Variants in EHBP1 observed in about 807,000 individuals in gnomAD.
EHBP1 encodes the protein EH domain-binding protein 1.
EHBP1 carries 55 observed loss-of-function variants against 144.0 expected under a neutral mutation model. The ratio of observed to expected loss-of-function variants is 0.38; its 90% CI spans 0.31 to 0.48. The LOEUF (loss-of-function observed/expected upper bound fraction) is 0.48, where lower values mean the gene tolerates loss of function less well. Ranked by LOEUF, EHBP1 falls within the 20% of genes least tolerant of loss-of-function variation. EHBP1 has a pLI of 0.98. For synonymous variants in EHBP1, 469 were observed against 472.7 expected, an observed-to-expected ratio of 0.99 and a Z score of 0.10; for missense variants, 1,200 against 1,364.2, an observed-to-expected ratio of 0.88 and a Z score of 1.90.
chr2:62,868,829 C>T (rs984518524), intron 9 of EHBP1, among the ~76,000 whole-genome samples: 6 of 152,026 alleles, frequency 3.9e-5, no homozygotes, highest in Admixed American at 3.3e-4. Flanking sequence ...TAGTGCACAC[C>T]TGTGGTCCCA....
chr2:62,838,004 C>T (rs1267396354), intron 7 of EHBP1, among the ~76,000 whole-genome samples: 54 of 149,250 alleles, frequency 3.6e-4, no homozygotes, highest in African/African-American at 1.3e-3. Context: ...TAGACATCTA[C>T]AGAACTCTCC....
At chr2:63,043,624 C>T (rs1017110964) in intron 21 of EHBP1, among the ~76,000 whole-genome samples, 24 of 152,140 alleles carry the variant, frequency 1.6e-4, no homozygotes, top group Non-Finnish European at 2.9e-5. Flanking sequence ...CCCTCTAGCA[C>T]CATTTGCTTT....
chr2:62,932,756 C>G (rs961856404), intron 10 of EHBP1, among the ~76,000 whole-genome samples: 2 of 151,938 alleles, frequency 1.3e-5, no homozygotes, highest in African/African-American at 2.4e-5. Flanking sequence ...GAGTTTGAGA[C>G]CAGCCTGGGC....
In EHBP1 at chr2:62,895,330, G is replaced by A. The variant is rs555230700; in HGVS notation, c.1185+20798G>A. On this transcript the variant is annotated intron_variant, in intron 10 of 22. Transcript: ENST00000431489. ...CATCATCATCATCATCGCTGCAGAA[G>A]CAGAGAATATCCTGAGCAACAGAGC... 5.9e-5 allele frequency among the ~76,000 whole-genome samples: 9 copies of A among 152,118 alleles called. No homozygotes were observed. The East Asian group carries it at 1.7e-3, about 30-fold the overall frequency.
chr2:62,874,569 T>C (rs763931978), intron 10 of EHBP1, 37 bp downstream of exon 10: 3 of 1,501,122 alleles, frequency 2.0e-6, no homozygotes, highest in Admixed American at 4.5e-5. Flanking sequence ...GTATTAATAT[T>C]TGCTGTTTTC....
At chr2:62,980,383 G>A (rs1258212716) in intron 15 of EHBP1, among the ~76,000 whole-genome samples, 1 of 152,088 alleles carries the variant, frequency 6.6e-6, no homozygotes, top group Non-Finnish European at 1.5e-5. Flanking sequence ...ATGCTCATTC[G>A]CCCTGTTAGG....
intron 14 of EHBP1, among the ~76,000 whole-genome samples, chr2:62,956,579 G>A (rs1245081064): frequency 6.6e-6 from 1 of 151,642 alleles, no homozygotes; most frequent in Non-Finnish European, 1.5e-5. Context: ...GCTAGGCATG[G>A]TGACTTATGC....
chr2:62,740,175 C>T (rs1479943006), intron 2 of EHBP1, among the ~76,000 whole-genome samples: 1 of 151,958 alleles, frequency 6.6e-6, no homozygotes, highest in Non-Finnish European at 1.5e-5. Flanking sequence ...AGTAATCACT[C>T]TGTTAAAATA....
intron 1 of EHBP1, among the ~76,000 whole-genome samples, chr2:62,678,333 A>G (rs1284315276): frequency 6.6e-6 from 1 of 152,202 alleles, no homozygotes; most frequent in Admixed American, 6.5e-5. Flanking sequence ...TAGGATTATT[A>G]GACTTTTTCC....
chr2:62,742,727 TAAGAC>T (rs1165296356), intron 2 of EHBP1, among the ~76,000 whole-genome samples: 2 of 152,096 alleles, frequency 1.3e-5, no homozygotes, highest in African/African-American at 4.8e-5. Flanking sequence ...TATGTTAACT[TAAGAC>T]AAAGAACACT....
rs2061638893 is a variant in EHBP1, at chr2:63,041,007, T to A, written c.3277+2191T>A. Among the ~76,000 whole-genome samples the A allele has an allele frequency of 2.0e-5, 3 of 152,234 alleles. No homozygotes were observed. In the South Asian group the frequency reaches 6.2e-4, roughly 31 times the overall value. On this transcript the variant is annotated intron_variant, in intron 21 of 22. Transcript: ENST00000431489. ...TTCATTTCTCTTTTCCCATCCCTCC[T>A]ACTTAGTAGCCATAAGATGGTTTTA... is the stretch of plus-strand genomic sequence containing the variant.
intron 2 of EHBP1, among the ~76,000 whole-genome samples, chr2:62,742,855 A>T (rs1447520585): frequency 6.6e-6 from 1 of 152,146 alleles, no homozygotes; most frequent in African/African-American, 2.4e-5. Flanking sequence ...GTTCATAATT[A>T]ATTCCAAACT....
chr2:62,763,509 T>A (rs1330393188), intron 3 of EHBP1, among the ~76,000 whole-genome samples: 1 of 152,142 alleles, frequency 6.6e-6, no homozygotes, highest in Non-Finnish European at 1.5e-5. Context: ...TCTGTAAGTG[T>A]TAGCTTTTAT....
intron 9 of EHBP1, among the ~76,000 whole-genome samples, chr2:62,868,145 C>A (rs879529028): frequency 7.9e-5 from 12 of 151,994 alleles, no homozygotes; most frequent in Non-Finnish European, 1.6e-4. Flanking sequence ...GAGGCCGAGG[C>A]GGGCGGATCA....
chr2:62,964,612 T>C (rs1399737680), intron 14 of EHBP1, among the ~76,000 whole-genome samples: 1 of 152,262 alleles, frequency 6.6e-6, no homozygotes, highest in Non-Finnish European at 1.5e-5. Context: ...GTGAAGCTAC[T>C]AATTCCTTTG....
At chr2:62,721,286 C>A (rs1484930472) in intron 2 of EHBP1, among the ~76,000 whole-genome samples, 2 of 152,032 alleles carry the variant, frequency 1.3e-5, no homozygotes, top group African/African-American at 4.8e-5. Context: ...TGATAAGATA[C>A]CACAGAGGTA....
chr2:62,924,333 G>A (rs995111362), intron 10 of EHBP1, among the ~76,000 whole-genome samples: 6 of 152,082 alleles, frequency 3.9e-5, no homozygotes, highest in African/African-American at 1.4e-4. Context: ...AAAAGCAAGA[G>A]CAAACCAAAA....
At chr2:62,799,113 C>G (rs1573410379) in intron 5 of EHBP1, among the ~76,000 whole-genome samples, 2 of 150,940 alleles carry the variant, frequency 1.3e-5, no homozygotes, top group South Asian at 2.1e-4. Context: ...ATTAGATACT[C>G]TAAAGGAAAG....
At chr2:62,794,337 T>C (rs535799016) in intron 5 of EHBP1, among the ~76,000 whole-genome samples, 2 of 152,204 alleles carry the variant, frequency 1.3e-5, no homozygotes, top group South Asian at 4.1e-4. Context: ...CTAGTATTTC[T>C]TGGTAGCTTG....
Sources: allele counts gnomAD v4.1 joint callset (sites outside exome capture counted in the v4.1 genomes callset), GRCh38; gene constraint gnomAD v4.1.1; transcripts MANE v1.5; gene names NCBI Gene and HGNC (gene_info 2026-07-23, HGNC 2026-07-21).